Variants in PI4KA observed in about 807,000 individuals in gnomAD.
PI4KA encodes the protein phosphatidylinositol 4-kinase alpha.
Under a neutral mutation model 271.4 loss-of-function variants are expected in PI4KA, and 122 were observed. The ratio of observed to expected loss-of-function variants is 0.45; its 90% CI spans 0.39 to 0.52. PI4KA has a LOEUF of 0.52. Among genes scored for constraint, PI4KA ranks in the 20% least tolerant of loss-of-function variants. The pLI is 0.00. For missense variants in PI4KA, 1,969 were observed against 2,769.1 expected (o/e 0.71, Z 6.48); for synonymous variants, 1,041 against 1,078.8 (o/e 0.96, Z 0.69).
At chr22:20,726,075 G>A (rs552358850) in intron 42 of PI4KA, among the ~76,000 whole-genome samples, 11 of 152,296 alleles carry the variant, frequency 7.2e-5, no homozygotes, top group African/African-American at 1.9e-4. Flanking sequence ...CATTTCTGTC[G>A]TTTAAGCTGC....
intron 19 of PI4KA, chr22:20,779,651 C>T: frequency 1.2e-6 from 2 of 1,614,036 alleles, no homozygotes; most frequent in African/African-American, 1.3e-5. Context: ...CTGGGAACAT[C>T]CTCCAGCTTT....
intron 3 of PI4KA, among the ~76,000 whole-genome samples, chr22:20,825,831 C>A (rs1006740285): frequency 2.0e-5 from 3 of 152,098 alleles, no homozygotes; most frequent in African/African-American, 7.2e-5. Context: ...TTCATCATCC[C>A]CGTAATAAGC....
chr22:20,793,952 G>A (rs962393485), intron 18 of PI4KA, among the ~76,000 whole-genome samples: 5 of 152,206 alleles, frequency 3.3e-5, no homozygotes, highest in South Asian at 4.1e-4. Flanking sequence ...CATACACTGC[G>A]GCCAGGCACT....
At chr22:20,835,627 G>T (rs981378873) in intron 2 of PI4KA, among the ~76,000 whole-genome samples, 3 of 152,198 alleles carry the variant, frequency 2.0e-5, no homozygotes, top group African/African-American at 7.2e-5. Flanking sequence ...AGCTACTTGG[G>T]AGGCTGGGGT....
At chr22:20,761,506 G>C in intron 22 of PI4KA, 120 bp from the exon 23 acceptor site, 1 of 700,878 alleles carries the variant, frequency 1.4e-6, no homozygotes, top group African/African-American at 1.8e-5. Context: ...ATTCATAAGG[G>C]TGCACACTGA....
intron 3 of PI4KA, 150 bp from the exon 4 acceptor site, chr22:20,824,564 A>G: frequency 1.7e-6 from 1 of 601,484 alleles, no homozygotes; most frequent in East Asian, 2.8e-5. Context: ...TCTCAAAAGA[A>G]CAGCTATGGG....
At chr22:20,793,678 T>C (rs1934789285) in intron 18 of PI4KA, among the ~76,000 whole-genome samples, 1 of 152,250 alleles carries the variant, frequency 6.6e-6, no homozygotes, top group African/African-American at 2.4e-5. Context: ...AAAGTGTTAG[T>C]AATGATTATA....
At chr22:20,808,235 A>G (rs1306935014) in intron 9 of PI4KA, among the ~76,000 whole-genome samples, 1 of 151,138 alleles carries the variant, frequency 6.6e-6, no homozygotes, top group African/African-American at 2.4e-5. Context: ...GGTTGTGGTG[A>G]GCAGAGATCG....
chr22:20,727,631 A>G, intron 40 of PI4KA, 143 bp downstream of exon 40: 3 of 712,836 alleles, frequency 4.2e-6, no homozygotes, highest in Non-Finnish European at 4.7e-6. Flanking sequence ...GAAATAGAAA[A>G]CACAGGAAAT....
At chr22:20,846,372 T>C (rs1221551792) in intron 1 of PI4KA, among the ~76,000 whole-genome samples, 2 of 150,946 alleles carry the variant, frequency 1.3e-5, no homozygotes, top group African/African-American at 2.4e-5. Context: ...TTATGTTATA[T>C]GAACTTTATC....
chr22:20,784,481 C>A (rs1301240131), intron 19 of PI4KA, among the ~76,000 whole-genome samples: 1 of 152,170 alleles, frequency 6.6e-6, no homozygotes, highest in Non-Finnish European at 1.5e-5. Context: ...AAGTTAGAGG[C>A]AGATGACTTA....
chr22:20,836,832 C>T (rs941945649), intron 2 of PI4KA, among the ~76,000 whole-genome samples: 18 of 152,142 alleles, frequency 1.2e-4, no homozygotes, highest in African/African-American at 4.3e-4. Context: ...TAGTCCTTAC[C>T]CAGAACCTGA....
chr22:20,742,402 C>A, intron 31 of PI4KA, 47 bp from the exon 32 acceptor site: 1 of 1,599,808 alleles, frequency 6.3e-7, no homozygotes, highest in African/African-American at 1.3e-5. Context: ...AACAGCTGAA[C>A]CCCAAAACAG....
chr22:20,819,496 G>C lies in PI4KA; in HGVS notation c.789+145C>G, dbSNP rs1922313672. ...CCCCCCAACATCTTAAGAGGGACAA[G>C]ACAAGTCTTTGTATTAAAGAGAATT... On this transcript the variant is annotated intron_variant, in intron 6 of 54. Coordinates refer to ENST00000255882, the MANE Select transcript of PI4KA (RefSeq NM_058004.4). 3 of 742,614 alleles carry C rather than the reference G, an allele frequency of 4.0e-6. No individual in the cohort carries two copies. The South Asian group carries it at 5.5e-5, about 14-fold the overall frequency. 46.0% of individuals were successfully genotyped at this position (742,614 alleles called of 1,614,324 possible). A position where few individuals can be genotyped will look rare whatever the true frequency, so the allele number is the denominator to read the frequency against.
chr22:20,751,681 A>T lies in PI4KA; in HGVS notation c.3062T>A (p.Leu1021Gln). 6.2e-7 allele frequency: 1 copy of T among 1,613,008 alleles called. No individual in the cohort carries two copies. The highest frequency in any genetic ancestry group is 8.5e-7 in the Non-Finnish European group (1 of 1,178,936). The part of the protein sequence containing the change: ...LDILQTLSLS[L>Q]SADIHKDQPY... ...TCTCCTGGGGACACTCACAGCGCTC[A>T]GTGACAGTGACAGGGTCTGCAGGAT... is the stretch of plus-strand genomic sequence containing the variant. Residue 1021 changes from leucine (L) to glutamine (Q), a missense_variant, in exon 26 of 55, where the codon CTG becomes CAG. Coordinates refer to ENST00000255882, the MANE Select transcript of PI4KA (RefSeq NM_058004.4).
At chr22:20,816,186 T>C (rs899307557) in intron 7 of PI4KA, among the ~76,000 whole-genome samples, 2 of 152,140 alleles carry the variant, frequency 1.3e-5, no homozygotes, top group Non-Finnish European at 2.9e-5. Context: ...GTGATCCACC[T>C]GTCCCAAAGT....
chr22:20,732,923 C>T lies in PI4KA; in HGVS notation c.4288+48G>A, dbSNP rs754455119. ...CCCTCGGGGCAGCCCACGTGGCACC[C>T]CTGTCCTGCCTGCCTCCACCATGAG... is the stretch of plus-strand genomic sequence containing the variant. On this transcript the variant is annotated intron_variant, in intron 36 of 54. Coordinates refer to ENST00000255882, the MANE Select transcript of PI4KA (RefSeq NM_058004.4). 3.1e-6 allele frequency: 5 copies of T among 1,609,458 alleles called. No homozygotes were observed. In the African/African-American group the frequency reaches 4.0e-5, roughly 13 times the overall value.
chr22:20,729,656 G>C lies in PI4KA; in HGVS notation c.4464C>G (p.Arg1488=). ...CCAGCAGGGACAGCAGCAGCGTCCTGCGCTTCATGTAGTATTTGTGCAGCT... is the reference window on the plus strand; with the variant it reads ...CCAGCAGGGACAGCAGCAGCGTCCTCCGCTTCATGTAGTATTTGTGCAGCT... ...GSQLHKYYMK[R]RTLLLSLLAT... Residue 1488 remains arginine (R), a synonymous_variant, in exon 38 of 55, where the codon CGC becomes CGG. Transcript: ENST00000255882. The C allele has an allele frequency of 6.3e-7, 1 of 1,578,582 alleles. No homozygotes were observed. The highest frequency in any genetic ancestry group is 8.6e-7 in the Non-Finnish European group (1 of 1,160,240).
intron 32 of PI4KA, 118 bp downstream of exon 32, chr22:20,742,110 T>C: frequency 1.0e-6 from 1 of 1,004,536 alleles, no homozygotes; most frequent in Non-Finnish European, 1.5e-6. Flanking sequence ...GACTGAGGCT[T>C]GAGAAGGTGA....
Sources: gnomAD v4.1 joint callset for allele counts (sites outside exome capture counted in the v4.1 genomes callset) on GRCh38, gnomAD v4.1.1 for gene constraint, MANE v1.5 for transcripts, NCBI Gene and HGNC (gene_info 2026-07-23, HGNC 2026-07-21) for gene names.